The following PDIA6 variants were observed in gnomAD, a reference collection of about 807,000 sequenced individuals.
PDIA6 encodes the protein protein disulfide-isomerase A6.
Under a neutral mutation model 58.4 loss-of-function variants are expected in PDIA6, and 29 were observed. The ratio of observed to expected loss-of-function variants is 0.50; its 90% CI spans 0.37 to 0.68. The LOEUF (loss-of-function observed/expected upper bound fraction) is 0.68. Ranked by LOEUF, PDIA6 falls within the 30% of genes least tolerant of loss-of-function variation. PDIA6 has a pLI of 0.00. For synonymous variants in PDIA6, 192 were observed against 202.6 expected (o/e 0.95, Z 0.44); for missense variants, 480 against 551.0 (o/e 0.87, Z 1.29).
chr2:10,812,568 G>A lies in PDIA6; in HGVS notation c.19+110C>T, dbSNP rs1015578043. The A allele has an allele frequency of 1.5e-5, 17 of 1,133,320 alleles. No homozygotes were observed. In the African/African-American group the frequency reaches 2.0e-4, roughly 13 times the overall value. 70.2% of individuals were successfully genotyped at this position (1,133,320 alleles called of 1,614,324 possible). A position where few individuals can be genotyped will look rare whatever the true frequency, so the allele number is the denominator to read the frequency against. On this transcript the variant is annotated intron_variant, in intron 1 of 12. Transcript: ENST00000272227. ...GAGGCCCGCGCCTCCCGCCCGCCAG[G>A]CCCACTTCCGGCCGCCTGCGGCCGC...
intron 1 of PDIA6, among the ~76,000 whole-genome samples, chr2:10,828,233 C>T (rs929209114): frequency 3.9e-5 from 6 of 152,162 alleles, no homozygotes; most frequent in East Asian, 3.8e-4. Context: ...GTTTCACTGT[C>T]CTAAAAATCC....
At chr2:10,836,836 C>A (rs989468372), upstream of PDIA6, among the ~76,000 whole-genome samples, 1 of 152,092 alleles carries the variant, frequency 6.6e-6, no homozygotes, top group Non-Finnish European at 1.5e-5. Flanking sequence ...CAAGAAGGGA[C>A]CTGTGTCTCA....
At chr2:10,821,729 A>G (rs1667400820) in intron 1 of PDIA6, among the ~76,000 whole-genome samples, 1 of 151,816 alleles carries the variant, frequency 6.6e-6, no homozygotes, top group East Asian at 1.9e-4. Flanking sequence ...GGCTCAAGTG[A>G]TCCCCCTGCC....
intron 1 of PDIA6, among the ~76,000 whole-genome samples, chr2:10,822,248 T>TTTTA (rs147935519): frequency 1.3e-4 from 19 of 150,738 alleles, no homozygotes; most frequent in Non-Finnish European, 2.4e-4. Context: ...CATAAATGAT[T>TTTTA]TTTATTTATT....
chr2:10,785,764 T>G (rs34032956), intron 11 of PDIA6, among the ~76,000 whole-genome samples: 106 of 152,352 alleles, frequency 7.0e-4, no homozygotes, highest in African/African-American at 2.5e-3. Flanking sequence ...CACACTCTTT[T>G]GCCCAGGCTG....
chr2:10,812,800 C>G, upstream of PDIA6: 6 of 1,211,964 alleles, frequency 5.0e-6, no homozygotes, highest in South Asian at 7.2e-5. Context: ...CAGGCCAGTC[C>G]GGTGGTCCGA....
intron 4 of PDIA6, among the ~76,000 whole-genome samples, chr2:10,794,639 A>G (rs541713962): frequency 4.6e-5 from 7 of 150,544 alleles, no homozygotes; most frequent in South Asian, 2.1e-4. Context: ...CACAAGAAAC[A>G]AAATATAGGC....
chr2:10,785,445 G>A (rs531629051), intron 11 of PDIA6, among the ~76,000 whole-genome samples: 14 of 152,346 alleles, frequency 9.2e-5, no homozygotes, highest in African/African-American at 3.4e-4. Flanking sequence ...CGCTGGCAGA[G>A]AGCGGGGTGC....
chr2:10,821,395 G>A (rs1667389793), intron 1 of PDIA6: 1 of 153,698 alleles, frequency 6.5e-6, no homozygotes, highest in Non-Finnish European at 1.4e-5. Context: ...GTGAAGCCAA[G>A]GGGTAGAGGC....
At chr2:10,799,981 T>C (rs1666435126) in intron 2 of PDIA6, among the ~76,000 whole-genome samples, 6 of 150,772 alleles carry the variant, frequency 4.0e-5, no homozygotes, top group Admixed American at 4.0e-4. Flanking sequence ...GGAGGGAGTC[T>C]ATGAATTTGG....
chr2:10,826,736 T>C (rs899397384), intron 1 of PDIA6, among the ~76,000 whole-genome samples: 3 of 152,204 alleles, frequency 2.0e-5, no homozygotes, highest in African/African-American at 7.2e-5. Context: ...AGACAGAACC[T>C]TTCCCAGTGG....
intron 1 of PDIA6, among the ~76,000 whole-genome samples, chr2:10,826,455 A>G (rs913064668): frequency 1.8e-4 from 28 of 151,750 alleles, no homozygotes; most frequent in African/African-American, 6.5e-4. Flanking sequence ...TGCCTCCTGG[A>G]TTCAAGCCAT....
At chr2:10,796,877 C>T (rs1004438370) in intron 4 of PDIA6, among the ~76,000 whole-genome samples, 1 of 152,142 alleles carries the variant, frequency 6.6e-6, no homozygotes, top group Admixed American at 6.5e-5. Context: ...CCTAAGCAAG[C>T]GTTAAGTGAT....
intron 1 of PDIA6, among the ~76,000 whole-genome samples, chr2:10,824,693 A>G (rs1667500799): frequency 6.6e-6 from 1 of 152,272 alleles, no homozygotes; most frequent in Non-Finnish European, 1.5e-5. Context: ...GAAGCGGGGC[A>G]GAGCTGAAAC....
chr2:10,837,573 C>T, exon 1 of PDIA6: 1 of 798,752 alleles, frequency 1.3e-6, no homozygotes. Flanking sequence ...ATCCTCGGGA[C>T]ACTTTGGAGG....
chr2:10,806,503 C>T (rs1371246462), intron 1 of PDIA6, among the ~76,000 whole-genome samples: 1 of 150,114 alleles, frequency 6.7e-6, no homozygotes, highest in Non-Finnish European at 1.5e-5. Flanking sequence ...TGACCAGATG[C>T]CATGGCTCAC....
chr2:10,783,922 T>C lies in PDIA6; in HGVS notation c.*336A>G, dbSNP rs1205242239. 1 of 190,502 alleles carries C rather than the reference T, an allele frequency of 5.2e-6. No homozygotes were observed. Among genetic ancestry groups the C allele is most frequent in the African/African-American group, 2.3e-5 (1 of 42,830 alleles). The allele number at this position is 190,502 out of a possible 1,614,324, so 11.8% of individuals were successfully genotyped here. Reference sequence around the variant, plus strand: ...AGCCATTAATATTCAAATGAAGGGATCACATTAAAAAAAACCCATACATAA... The same window carrying C: ...AGCCATTAATATTCAAATGAAGGGACCACATTAAAAAAAACCCATACATAA... On this transcript the variant is annotated 3_prime_UTR_variant, in exon 13 of 13. Transcript: ENST00000272227.
At chr2:10,818,461 C>G (rs1002843073) in intron 2 of PDIA6, among the ~76,000 whole-genome samples, 4 of 151,278 alleles carry the variant, frequency 2.6e-5, no homozygotes, top group African/African-American at 7.3e-5. Context: ...GCCACTGTGC[C>G]CAGCTCACTT....
At position 10,808,600 on chromosome 2, in the gene PDIA6, G is replaced by C. The variant is rs919457160; in HGVS notation, c.19+4078C>G. Among the ~76,000 whole-genome samples, 8 of 152,312 alleles carry C rather than the reference G, an allele frequency of 5.3e-5. No homozygotes were observed. In the East Asian group the frequency reaches 1.3e-3, roughly 26 times the overall value. On this transcript the variant is annotated intron_variant, in intron 1 of 12. Coordinates refer to ENST00000272227, the MANE Select transcript of PDIA6 (RefSeq NM_005742.4). ...GAGTCAGAAGAGGAGCGGGAACCCA[G>C]TCAGTGATGGAGTAGCCTTTGATAG...
Sources: gnomAD v4.1 joint callset for allele counts (sites outside exome capture counted in the v4.1 genomes callset) on GRCh38, gnomAD v4.1.1 for gene constraint, MANE v1.5 for transcripts, NCBI Gene and HGNC (gene_info 2026-07-23, HGNC 2026-07-21) for gene names.